Variants in DMD observed in about 807,000 individuals in gnomAD.
The protein encoded by DMD is dystrophin.
In DMD, 63 loss-of-function variants were observed where a neutral mutation model predicts 330.1. The observed-to-expected ratio is 0.19, with a 90% confidence interval of 0.16 to 0.24. The LOEUF (loss-of-function observed/expected upper bound fraction) is 0.24, where lower values mean the gene tolerates loss of function less well. Ranked by LOEUF, DMD falls within the 10% of genes least tolerant of loss-of-function variation. DMD has a pLI of 1.00. For synonymous variants in DMD, 1,223 were observed against 959.8 expected (o/e 1.27, Z -5.07); for missense variants, 3,344 against 2,684.1 (o/e 1.25, Z -5.43).
intron 13 of DMD, among the ~76,000 whole-genome samples, chrX:32,577,187 T>G (rs1210122541): frequency 9.0e-6 from 1 of 111,682 alleles, no homozygotes; most frequent in African/African-American, 3.3e-5. Context: ...ACCAGGGATA[T>G]GTGCAACACA....
At chrX:32,847,055 G>C (rs1215603527) in intron 3 of DMD, among the ~76,000 whole-genome samples, 1 of 111,398 alleles carries the variant, frequency 9.0e-6, no homozygotes, top group Non-Finnish European at 1.9e-5. Flanking sequence ...CAATCTTCTT[G>C]TGTATATATA....
At chrX:33,093,775 G>T (rs1234310212) in intron 1 of DMD, among the ~76,000 whole-genome samples, 1 of 111,145 alleles carries the variant, frequency 9.0e-6, no homozygotes, top group African/African-American at 3.3e-5. Flanking sequence ...CTATGGAAAA[G>T]TACAAATAAT....
At chrX:33,224,293 C>A (rs1325048741) in intron 1 of DMD, among the ~76,000 whole-genome samples, 3 of 112,314 alleles carry the variant, frequency 2.7e-5, no homozygotes, top group Admixed American at 9.5e-5. Flanking sequence ...ATGTTTATAG[C>A]AGCTTTATTC....
intron 44 of DMD, among the ~76,000 whole-genome samples, chrX:32,176,980 G>T (rs977490595): frequency 1.8e-5 from 2 of 111,147 alleles, no homozygotes; most frequent in African/African-American, 6.6e-5. Context: ...CATTTCAAAA[G>T]AAATGGCAGT....
intron 1 of DMD, among the ~76,000 whole-genome samples, chrX:33,184,397 A>G (rs909461568): frequency 1.8e-4 from 20 of 111,416 alleles, no homozygotes; most frequent in Non-Finnish European, 3.4e-4. Flanking sequence ...ACGAAATCCG[A>G]TTTTGAAATA....
chrX:31,578,572 G>T (rs747411583), intron 55 of DMD, among the ~76,000 whole-genome samples: 2 of 111,962 alleles, frequency 1.8e-5, no homozygotes, highest in African/African-American at 6.5e-5. Context: ...GCACACCCCA[G>T]GTTTATTCCT....
chrX:33,200,925 CTTTTTTTTTT>C (rs10678250), intron 1 of DMD, among the ~76,000 whole-genome samples: 3 of 52,808 alleles, frequency 5.7e-5, no homozygotes, highest in African/African-American at 8.4e-5. Context: ...AATCAATAGA[CTTTTTTTTTT>C]TTTTTTTTTT....
At chrX:32,337,150 G>C (rs1380681546) in intron 41 of DMD, among the ~76,000 whole-genome samples, 1 of 111,392 alleles carries the variant, frequency 9.0e-6, no homozygotes, top group East Asian at 2.8e-4. Flanking sequence ...ATACGGAGGA[G>C]TGATTTGATG....
chrX:31,501,044 T>C (rs979740016), intron 56 of DMD, among the ~76,000 whole-genome samples: 1 of 112,101 alleles, frequency 8.9e-6, no homozygotes, highest in African/African-American at 3.2e-5. Context: ...TTGTAACAAA[T>C]AGCTGAGCCT....
intron 2 of DMD, among the ~76,000 whole-genome samples, chrX:32,982,552 A>T (rs1048654394): frequency 1.8e-5 from 2 of 111,746 alleles, no homozygotes; most frequent in Non-Finnish European, 3.8e-5. Flanking sequence ...TCCTCTTCCC[A>T]CTAAAACAGC....
At chrX:31,814,352 G>A (rs779146904) in intron 50 of DMD, among the ~76,000 whole-genome samples, 4 of 106,413 alleles carry the variant, frequency 3.8e-5, no homozygotes, top group Admixed American at 2.0e-4. Flanking sequence ...GCGTGGTGGC[G>A]GGCGCCTGTA....
At position 31,121,198 on chromosome X, in the gene DMD, TTATCTA is replaced by T. The variant is rs2032425583; in HGVS notation, c.*715_*720del. 8.9e-6 allele frequency: 1 copy of T among 111,801 alleles called. No homozygotes were observed. The highest frequency in any genetic ancestry group is 9.6e-5 in the Admixed American group (1 of 10,421). 9.2% of individuals were successfully genotyped at this position (111,801 alleles called of 1,213,427 possible). ...TCAGTCTATAGAAATTCGTATCTCT[TTATCTA>T]TATAACTATAGTATTTATATACTTA... On this transcript the variant is annotated 3_prime_UTR_variant, in exon 79 of 79. Coordinates refer to ENST00000357033, the MANE Select transcript of DMD (RefSeq NM_004006.3).
intron 37 of DMD, among the ~76,000 whole-genome samples, chrX:32,356,567 T>C (rs1461068236): frequency 1.8e-5 from 2 of 110,465 alleles, no homozygotes; most frequent in Non-Finnish European, 3.8e-5. Flanking sequence ...TTAAAGAACA[T>C]ATGCCAGATA....
chrX:32,678,316 T>A (rs2062109565), intron 9 of DMD, among the ~76,000 whole-genome samples: 1 of 112,488 alleles, frequency 8.9e-6, no homozygotes, highest in Non-Finnish European at 1.9e-5. Context: ...TGATGCCCTA[T>A]GGTGTTTCTT....
chrX:32,380,794 ACG>A, intron 33 of DMD, 114 bp from the exon 34 acceptor site: 1 of 591,085 alleles, frequency 1.7e-6, no homozygotes, highest in Non-Finnish European at 2.6e-6. Flanking sequence ...ATTTTCTTAC[ACG>A]TTTTAAAATA....
chrX:31,417,283 C>CTTTTTTTCT (rs1348595750), intron 60 of DMD, among the ~76,000 whole-genome samples: 2 of 110,788 alleles, frequency 1.8e-5, no homozygotes, highest in Non-Finnish European at 3.8e-5. Context: ...TTTTTCTTTT[C>CTTTTTTTCT]TTTTTTTCTT....
At chrX:32,010,351 G>A (rs1475186964) in intron 44 of DMD, among the ~76,000 whole-genome samples, 9 of 111,228 alleles carry the variant, frequency 8.1e-5, no homozygotes, top group Non-Finnish European at 1.7e-4. Flanking sequence ...ATTCAATGAC[G>A]TCACACTGGT....
At chrX:32,708,240 C>T (rs1377204502) in intron 7 of DMD, among the ~76,000 whole-genome samples, 1 of 109,754 alleles carries the variant, frequency 9.1e-6, no homozygotes, top group African/African-American at 3.3e-5. Context: ...GGGCAAATTA[C>T]TCAATGATGA....
chrX:33,093,567 A>G (rs772071268), intron 1 of DMD, among the ~76,000 whole-genome samples: 5 of 111,801 alleles, frequency 4.5e-5, no homozygotes, highest in Admixed American at 3.8e-4. Flanking sequence ...TATTTTCACT[A>G]ATTTGGTTGC....
Sources: allele counts gnomAD v4.1 joint callset (sites outside exome capture counted in the v4.1 genomes callset), GRCh38; gene constraint gnomAD v4.1.1; transcripts MANE v1.5; gene names NCBI Gene and HGNC (gene_info 2026-07-23, HGNC 2026-07-21).